Variants in RFX4 observed in about 807,000 individuals in gnomAD.
RFX4 encodes transcription factor RFX4.
A neutral mutation model predicts 95.0 loss-of-function variants in RFX4; 10 were observed. The observed-to-expected ratio is 0.11, with a 90% CI of 0.06 to 0.18. The LOEUF (loss-of-function observed/expected upper bound fraction) is 0.18, where lower values mean the gene tolerates loss of function less well. RFX4 is among the 10% of genes least tolerant of loss of function. The pLI, the probability that RFX4 is intolerant of heterozygous loss-of-function variation, is 1.00. For synonymous variants in RFX4, 321 were observed against 340.7 expected (o/e 0.94, Z 0.64); for missense variants, 640 against 922.0 (o/e 0.69, Z 3.96).
rs546391353 is a variant in RFX4, at chr12:106,622,767, C to T, written c.130+13884C>T. 1.4e-4 allele frequency among the ~76,000 whole-genome samples: 22 copies of T among 152,056 alleles called. No homozygotes were observed. The South Asian group carries it at 1.9e-3, about 13-fold the overall frequency. ...TCCTGAGCAGCTTGGACTACAGGCA[C>T]GTGCCACCACGTCCAACTAATTTTT... On this transcript the variant is annotated intron_variant, in intron 2 of 17. Coordinates refer to ENST00000392842, the MANE Select transcript of RFX4 (RefSeq NM_213594.3).
At position 106,734,564 on chromosome 12, in the gene RFX4, C is replaced by T. The variant is rs2042674809; in HGVS notation, c.1633+1479C>T. The stretch of plus-strand genomic sequence containing the variant: ...TGAGCCAAGATCGCTCCACTGCACT[C>T]CAGCCTGGGCATCAGAGCAAGACTC... On this transcript the variant is annotated intron_variant, in intron 15 of 17. Transcript: ENST00000392842. Among the ~76,000 whole-genome samples, 3 of 151,436 alleles carry T rather than the reference C, an allele frequency of 2.0e-5. No homozygotes were observed. In the South Asian group the frequency reaches 6.3e-4, roughly 32 times the overall value.
At position 106,696,312 on chromosome 12, in the gene RFX4, A is replaced by T; in HGVS notation, c.699A>T (p.Gln233His). The T allele has an allele frequency of 4.3e-6, 7 of 1,614,190 alleles. No homozygotes were observed. The highest frequency in any genetic ancestry group is 5.1e-6 in the Non-Finnish European group (6 of 1,180,022). Reference sequence around the variant, plus strand: ...AAAGTTTCCTTCTGCACTTTTGGCAAGGAATGCCGCCCCACATGCTGCCTG... The same window carrying T: ...AAAGTTTCCTTCTGCACTTTTGGCATGGAATGCCGCCCCACATGCTGCCTG... Reference protein sequence around the residue: ...EVQSFLLHFWQGMPPHMLPVL... With the variant: ...EVQSFLLHFWHGMPPHMLPVL... The change falls in exon 8 of 18, where the codon CAA becomes CAT. Residue 233 changes from glutamine to histidine, a missense_variant. By Grantham distance (24) the Gln-to-His change is conservative (BLOSUM62 0). Transcript: ENST00000392842.
At chr12:106,585,555 C>G (rs958070757) in intron 1 of RFX4, among the ~76,000 whole-genome samples, 7 of 152,288 alleles carry the variant, frequency 4.6e-5, no homozygotes, top group African/African-American at 1.2e-4. Flanking sequence ...AGTCCAGAAG[C>G]CTTCCCTCAC....
At chr12:106,679,957 C>T (rs2041472503) in intron 4 of RFX4, among the ~76,000 whole-genome samples, 2 of 152,144 alleles carry the variant, frequency 1.3e-5, no homozygotes, top group Non-Finnish European at 2.9e-5. Flanking sequence ...CAGGTCACCA[C>T]AATTTGAGAA....
intron 16 of RFX4, among the ~76,000 whole-genome samples, chr12:106,748,963 T>C (rs1425838480): frequency 6.6e-6 from 1 of 151,818 alleles, no homozygotes; most frequent in South Asian, 2.1e-4. Context: ...CACGCGCCTG[T>C]AGTCCCAGCT....
intron 5 of RFX4, chr12:106,682,332 C>T (rs2041531585): frequency 2.1e-6 from 1 of 484,884 alleles, no homozygotes; most frequent in African/African-American, 1.9e-5. Context: ...TAGTCTTGGG[C>T]ATCATTGAAA....
intron 3 of RFX4, among the ~76,000 whole-genome samples, chr12:106,641,477 C>T (rs1046655259): frequency 6.6e-6 from 1 of 152,204 alleles, no homozygotes. Context: ...CCTTCTGAGA[C>T]CCACAGGGAC....
chr12:106,759,298 C>T (rs534849580), intron 17 of RFX4, among the ~76,000 whole-genome samples: 1 of 152,214 alleles, frequency 6.6e-6, no homozygotes, highest in South Asian at 2.1e-4. Context: ...ACAGAGTTCC[C>T]TGAGATGGGA....
intron 4 of RFX4, among the ~76,000 whole-genome samples, chr12:106,665,233 A>G (rs935112062): frequency 2.0e-5 from 3 of 151,904 alleles, no homozygotes; most frequent in African/African-American, 7.2e-5. Context: ...TTATAATTAT[A>G]TAATGCCCTT....
chr12:106,638,982 C>T (rs984147923), intron 2 of RFX4, among the ~76,000 whole-genome samples: 1 of 152,092 alleles, frequency 6.6e-6, no homozygotes, highest in African/African-American at 2.4e-5. Flanking sequence ...TGACTGAGGT[C>T]CCTATGTTTT....
intron 17 of RFX4, among the ~76,000 whole-genome samples, chr12:106,754,953 G>A (rs1459010898): frequency 6.6e-6 from 1 of 152,222 alleles, no homozygotes; most frequent in East Asian, 1.9e-4. Context: ...GATGAGTGAG[G>A]TCAGTGTTCA....
rs1025781650 is a variant in RFX4 at position 106,747,670 on chromosome 12, C to T, written c.1796+71C>T. ...TAAAGAGGCTGGGCACAGCAGCTCACACCCTGTAATCCCAGCACTTTGGGA... is the reference window on the plus strand; with the variant it reads ...TAAAGAGGCTGGGCACAGCAGCTCATACCCTGTAATCCCAGCACTTTGGGA... On this transcript the variant is annotated intron_variant, in intron 16 of 17. Transcript: ENST00000392842. 18 of 1,542,390 alleles carry T rather than the reference C, an allele frequency of 1.2e-5. No homozygotes were observed. The African/African-American group carries it at 2.5e-4, about 21-fold the overall frequency.
intron 17 of RFX4, among the ~76,000 whole-genome samples, chr12:106,758,604 C>A (rs575953878): frequency 6.6e-6 from 1 of 152,302 alleles, no homozygotes; most frequent in Non-Finnish European, 1.5e-5. Flanking sequence ...CTGTCAGAAC[C>A]AGCAAGCTGA....
chr12:106,711,249 C>T (rs12321787), intron 9 of RFX4, among the ~76,000 whole-genome samples: 6,715 of 152,220 alleles, frequency 0.044, 391 homozygotes, highest in African/African-American at 0.14. Context: ...CAAATGTCAC[C>T]ATTAGGAAGT....
At chr12:106,683,111 C>T (rs1240814562) in intron 5 of RFX4, 1 of 152,094 alleles carries the variant, frequency 6.6e-6, no homozygotes, top group Non-Finnish European at 1.5e-5. Context: ...AACACTGTAA[C>T]TTTTTAGAAA....
At chr12:106,715,647 G>C in intron 11 of RFX4, 103 bp downstream of exon 11, 1 of 1,311,536 alleles carries the variant, frequency 7.6e-7, no homozygotes, top group Middle Eastern at 1.9e-4. Context: ...GTTCTTCCCA[G>C]CATCTCTTCC....
chr12:106,698,700 T>C (rs564509671), intron 8 of RFX4, among the ~76,000 whole-genome samples: 5 of 146,438 alleles, frequency 3.4e-5, no homozygotes, highest in Non-Finnish European at 7.5e-5. Flanking sequence ...CCTCTCTTCT[T>C]TTTTTTTTTA....
chr12:106,695,376 C>A (rs891288775), intron 7 of RFX4, among the ~76,000 whole-genome samples: 2 of 152,178 alleles, frequency 1.3e-5, no homozygotes, highest in Non-Finnish European at 2.9e-5. Flanking sequence ...TCTACTATTT[C>A]TCTTCACTTC....
chr12:106,701,800 T>C (rs990150080), intron 8 of RFX4, among the ~76,000 whole-genome samples: 7 of 152,142 alleles, frequency 4.6e-5, no homozygotes, highest in Non-Finnish European at 1.0e-4. Context: ...CTTTGGGAGA[T>C]GAAGGCAGAA....
Sources: allele counts gnomAD v4.1 joint callset (sites outside exome capture counted in the v4.1 genomes callset), GRCh38; gene constraint gnomAD v4.1.1; transcripts MANE v1.5; gene names NCBI Gene and HGNC (gene_info 2026-07-23, HGNC 2026-07-21).